The following BMPR1A variants were observed in gnomAD, a reference collection of about 807,000 sequenced individuals.
BMPR1A encodes the protein bone morphogenetic protein receptor type-1A.
Under a neutral mutation model 66.0 loss-of-function variants are expected in BMPR1A, and 7 were observed. That is an observed-to-expected ratio of 0.11 (90% CI 0.06 to 0.20). The LOEUF is 0.20. Among genes scored for constraint, BMPR1A ranks in the 10% least tolerant of loss-of-function variants. The pLI, the probability that BMPR1A is intolerant of heterozygous loss-of-function variation, is 1.00. For synonymous variants in BMPR1A, 200 were observed against 229.7 expected (o/e 0.87, Z 1.17); for missense variants, 408 against 669.1 (o/e 0.61, Z 4.31).
chr10:86,813,769 A>G (rs1289496044), intron 1 of BMPR1A, among the ~76,000 whole-genome samples: 5 of 152,108 alleles, frequency 3.3e-5, no homozygotes, highest in Non-Finnish European at 2.9e-5. Context: ...TCGACAGGTA[A>G]CTATTTAGCG....
intron 2 of BMPR1A, among the ~76,000 whole-genome samples, chr10:86,866,404 T>TTTTTTTC (rs1564707600): frequency 9.6e-6 from 1 of 103,746 alleles, no homozygotes; most frequent in African/African-American, 5.0e-5. Flanking sequence ...TCTTTCTTTT[T>TTTTTTTC]TTTTTTTTTT....
rs181691680 is a variant in BMPR1A at position 86,850,277 on chromosome 10, C to T, written c.-153+11298C>T. On this transcript the variant is annotated intron_variant, in intron 2 of 12. Transcript: ENST00000372037. ...CGGAGGTTGCAGTGAGCTGAGATAG[C>T]GCCACCGCACTCCAGCCTGGGTGAC... 2.2e-3 allele frequency among the ~76,000 whole-genome samples: 327 copies of T among 151,426 alleles called. 4 individuals are homozygous for T. Among genetic ancestry groups the T allele is most frequent in the African/African-American group, 7.6e-3 (315 of 41,200 alleles).
intron 2 of BMPR1A, among the ~76,000 whole-genome samples, chr10:86,862,267 G>T (rs1300753783): frequency 6.6e-6 from 1 of 152,296 alleles, no homozygotes; most frequent in South Asian, 2.1e-4. Context: ...AATAAGAAAG[G>T]GATTTTGAGT....
chr10:86,837,253 G>GTGTGTGTGTC (rs1312680960), intron 1 of BMPR1A, among the ~76,000 whole-genome samples: 5 of 134,328 alleles, frequency 3.7e-5, no homozygotes, highest in African/African-American at 1.1e-4. Flanking sequence ...GTGTCTGTGT[G>GTGTGTGTGTC]TGTGTGTGTG....
At chr10:86,912,128 T>G in intron 7 of BMPR1A, 112 bp from the exon 8 acceptor site, 1 of 1,175,186 alleles carries the variant, frequency 8.5e-7, no homozygotes, top group Non-Finnish European at 1.2e-6. Flanking sequence ...AAGACTAATT[T>G]GGATAGGATT....
intron 2 of BMPR1A, among the ~76,000 whole-genome samples, chr10:86,853,701 G>GCC (rs1842602749): frequency 6.6e-6 from 1 of 152,122 alleles, no homozygotes. Flanking sequence ...ATTCCGTGAT[G>GCC]CCCCACAAGC....
intron 1 of BMPR1A, among the ~76,000 whole-genome samples, chr10:86,828,396 A>T (rs1440095597): frequency 6.6e-6 from 1 of 152,212 alleles, no homozygotes; most frequent in African/African-American, 2.4e-5. Context: ...ACAAAGGGGA[A>T]AAAACGTAAA....
At chr10:86,860,303 A>ATTATATATATAAAAACT (rs1298891869) in intron 2 of BMPR1A, among the ~76,000 whole-genome samples, 1 of 152,190 alleles carries the variant, frequency 6.6e-6, no homozygotes, top group African/African-American at 2.4e-5. Flanking sequence ...AAATTAAAGC[A>ATTATATATATAAAAACT]TTATATATAT....
chr10:86,816,027 G>A (rs1434104418), intron 1 of BMPR1A, among the ~76,000 whole-genome samples: 1 of 152,164 alleles, frequency 6.6e-6, no homozygotes, highest in East Asian at 1.9e-4. Context: ...AATGGCCCCT[G>A]CATACCCGTG....
rs545291893 is a variant in BMPR1A at position 86,799,357 on chromosome 10, A to G, written c.-267-39508A>G. Among the ~76,000 whole-genome samples the G allele has an allele frequency of 9.8e-5, 15 of 152,316 alleles. No individual in the cohort carries two copies. The South Asian group carries it at 1.7e-3, about 17-fold the overall frequency. ...GGTAATTTAGGCTTTCGTGAAAACT[A>G]GAGTGTGAAAATGCTTAGTAATGTG... is the stretch of plus-strand genomic sequence containing the variant. On this transcript the variant is annotated intron_variant, in intron 1 of 12. Transcript: ENST00000372037.
chr10:86,828,788 A>G (rs1403600928), intron 1 of BMPR1A, among the ~76,000 whole-genome samples: 1 of 142,010 alleles, frequency 7.0e-6, no homozygotes, highest in Non-Finnish European at 1.6e-5. Flanking sequence ...CTCTGTATAA[A>G]AAAAAAATAT....
At chr10:86,797,480 T>C (rs1304587719) in intron 1 of BMPR1A, among the ~76,000 whole-genome samples, 2 of 151,952 alleles carry the variant, frequency 1.3e-5, no homozygotes, top group Non-Finnish European at 2.9e-5. Flanking sequence ...ATTCGCCCAC[T>C]TCGGCCTCCC....
intron 1 of BMPR1A, among the ~76,000 whole-genome samples, chr10:86,764,590 A>G (rs1399382922): frequency 1.3e-5 from 2 of 152,186 alleles, no homozygotes; most frequent in Non-Finnish European, 1.5e-5. Flanking sequence ...TTATTTGCTT[A>G]CAATAGAAAA....
intron 1 of BMPR1A, among the ~76,000 whole-genome samples, chr10:86,766,147 C>A (rs1841159161): frequency 1.3e-5 from 2 of 151,956 alleles, no homozygotes; most frequent in Admixed American, 1.3e-4. Flanking sequence ...CTACCATGCC[C>A]AGCTAATTAA....
intron 1 of BMPR1A, among the ~76,000 whole-genome samples, chr10:86,803,987 T>G (rs1373532060): frequency 6.6e-6 from 1 of 152,124 alleles, no homozygotes; most frequent in Admixed American, 6.6e-5. Flanking sequence ...GTGTTATATT[T>G]TTGGGTGCTA....
At chr10:86,790,641 A>G (rs1239457630) in intron 1 of BMPR1A, among the ~76,000 whole-genome samples, 1 of 151,748 alleles carries the variant, frequency 6.6e-6, no homozygotes, top group Non-Finnish European at 1.5e-5. Context: ...CTCATTTTAC[A>G]ACATAGATGA....
At chr10:86,777,601 G>A (rs1841372532) in intron 1 of BMPR1A, among the ~76,000 whole-genome samples, 1 of 151,782 alleles carries the variant, frequency 6.6e-6, no homozygotes, top group African/African-American at 2.4e-5. Flanking sequence ...AAAAGAACAT[G>A]TATTTACCCT....
At chr10:86,823,822 C>T (rs1328715589) in intron 1 of BMPR1A, among the ~76,000 whole-genome samples, 1 of 152,186 alleles carries the variant, frequency 6.6e-6, no homozygotes, top group African/African-American at 2.4e-5. Context: ...TCCCTCCTTG[C>T]ATAGTATCAA....
intron 1 of BMPR1A, among the ~76,000 whole-genome samples, chr10:86,757,542 AGGAAAAAAAAATGAGCTT>A (rs1449385769): frequency 4.6e-5 from 7 of 152,146 alleles, no homozygotes; most frequent in Non-Finnish European, 8.8e-5. Context: ...AGATTTGGCA[AGGAAAAAAAAATGAGCTT>A]GCGTCAGGGA....
Sources: gnomAD v4.1 joint callset for allele counts (sites outside exome capture counted in the v4.1 genomes callset) on GRCh38, gnomAD v4.1.1 for gene constraint, MANE v1.5 for transcripts, NCBI Gene and HGNC (gene_info 2026-07-23, HGNC 2026-07-21) for gene names.